The following MACROD2 variants were observed in gnomAD, a reference collection of about 807,000 sequenced individuals.
The protein encoded by MACROD2 is mono-ADP ribosylhydrolase 2.
In MACROD2, 36 loss-of-function variants were observed where a neutral mutation model predicts 70.4. The observed-to-expected ratio is 0.51, with a 90% CI of 0.39 to 0.68. The LOEUF (loss-of-function observed/expected upper bound fraction) is 0.68. MACROD2 is among the 30% of genes least tolerant of loss of function. MACROD2 has a pLI of 0.00. For missense variants in MACROD2, 496 were observed against 538.4 expected, an observed-to-expected ratio of 0.92 and a Z score of 0.78; for synonymous variants, 172 against 178.8, an observed-to-expected ratio of 0.96 and a Z score of 0.30.
chr20:14,164,110 T>G (rs1022451445), intron 3 of MACROD2, among the ~76,000 whole-genome samples: 2 of 152,142 alleles, frequency 1.3e-5, no homozygotes, highest in Non-Finnish European at 2.9e-5. Context: ...GGGAGAACTT[T>G]TTTTTTTTGA....
At chr20:15,872,916 A>G (rs1414880602) in intron 9 of MACROD2, among the ~76,000 whole-genome samples, 2 of 152,316 alleles carry the variant, frequency 1.3e-5, no homozygotes, top group African/African-American at 4.8e-5. Flanking sequence ...AACATAAATC[A>G]TGAACATTTT....
intron 3 of MACROD2, among the ~76,000 whole-genome samples, chr20:14,138,883 C>A (rs6074692): frequency 0.52 from 78,739 of 151,472 alleles, 22,343 homozygotes; most frequent in Non-Finnish European, 0.62. Context: ...TATATCTAAA[C>A]ATTTGGTACA....
Position 15,901,144 on chromosome 20 carries a change from T to C in MACROD2, c.775+15333T>C, listed in dbSNP as rs73597717. Among the ~76,000 whole-genome samples the C allele has an allele frequency of 3.9e-3, 588 of 152,200 alleles. 2 individuals are homozygous for C. Among genetic ancestry groups the C allele is most frequent in the South Asian group, 0.023 (112 of 4,802 alleles). Reference sequence around the variant, plus strand: ...ATCTAGCTGGGTTTGTCTCTCTCCTTTTTCCCTTAGGTTCACTCAGCACAC... The same window carrying C: ...ATCTAGCTGGGTTTGTCTCTCTCCTCTTTCCCTTAGGTTCACTCAGCACAC... On this transcript the variant is annotated intron_variant, in intron 10 of 17. Coordinates refer to ENST00000684519, the MANE Select transcript of MACROD2 (RefSeq NM_001351661.2).
intron 4 of MACROD2, among the ~76,000 whole-genome samples, chr20:14,585,765 C>T (rs1345113194): frequency 1.3e-5 from 2 of 152,008 alleles, no homozygotes; most frequent in Admixed American, 6.6e-5. Flanking sequence ...TTAAACAAAG[C>T]TGTTTTTCAA....
chr20:15,611,311 C>T (rs1452861307), intron 8 of MACROD2, among the ~76,000 whole-genome samples: 1 of 152,130 alleles, frequency 6.6e-6, no homozygotes, highest in African/African-American at 2.4e-5. Flanking sequence ...AAAGATAACA[C>T]AATGGCAGAG....
intron 8 of MACROD2, among the ~76,000 whole-genome samples, chr20:15,516,303 A>C (rs1015781250): frequency 6.6e-6 from 1 of 152,208 alleles, no homozygotes; most frequent in African/African-American, 2.4e-5. Context: ...CCTTCAAAAA[A>C]AATGTTGGCA....
At chr20:14,049,174 T>TAAAAAAAAAAAAAAAAA (rs71335946) in intron 2 of MACROD2, among the ~76,000 whole-genome samples, 7 of 69,728 alleles carry the variant, frequency 1.0e-4, no homozygotes, top group Non-Finnish European at 1.7e-4. Flanking sequence ...ATATATTTAA[T>TAAAAAAAAAAAAAAAAA]AAAAAAAAAA....
At chr20:15,983,822 T>G (rs1025807854) in intron 13 of MACROD2, among the ~76,000 whole-genome samples, 2 of 152,238 alleles carry the variant, frequency 1.3e-5, no homozygotes, top group East Asian at 3.8e-4. Flanking sequence ...ACCAGGCATT[T>G]GCATTCTTGG....
At position 14,711,612 on chromosome 20, in the gene MACROD2, T is replaced by G. The variant is rs1032543073; in HGVS notation, c.418+26653T>G. Among the ~76,000 whole-genome samples, 8 of 152,114 alleles carry G rather than the reference T, an allele frequency of 5.3e-5. No homozygotes were observed. In the South Asian group the frequency reaches 1.0e-3, roughly 20 times the overall value. ...TTATTTCCTTTACAAAACTAACGAG[T>G]GTTTGTCTACAGGATCAGTGAACTA... is the stretch of plus-strand genomic sequence containing the variant. On this transcript the variant is annotated intron_variant, in intron 5 of 17. Coordinates refer to ENST00000684519, the MANE Select transcript of MACROD2 (RefSeq NM_001351661.2).
chr20:15,447,448 A>T lies in MACROD2; in HGVS notation c.571+16013A>T, dbSNP rs527632753. 2.0e-5 allele frequency among the ~76,000 whole-genome samples: 3 copies of T among 152,182 alleles called. No homozygotes were observed. In the South Asian group the frequency reaches 6.2e-4, roughly 32 times the overall value. ...TCTCAAGTGAGGCAGTGCCCATCTC[A>T]AAGGGGCCACAGTGTTAGAGCTGCT... On this transcript the variant is annotated intron_variant, in intron 7 of 17. Transcript: ENST00000684519.
chr20:15,534,451 A>G (rs1212032677), intron 8 of MACROD2, among the ~76,000 whole-genome samples: 2 of 152,206 alleles, frequency 1.3e-5, no homozygotes, highest in Non-Finnish European at 2.9e-5. Context: ...TAAAATAGCA[A>G]CATGTTTTTC....
chr20:14,153,724 T>C (rs1171290578), intron 3 of MACROD2, among the ~76,000 whole-genome samples: 1 of 152,178 alleles, frequency 6.6e-6, no homozygotes, highest in East Asian at 1.9e-4. Flanking sequence ...AAAATAATCA[T>C]ATTAAGTTGA....
rs577548535 is a variant in MACROD2, at chr20:14,619,269, CA to C, written c.302-65571del. On this transcript the variant is annotated intron_variant, in intron 4 of 17. Coordinates refer to ENST00000684519, the MANE Select transcript of MACROD2 (RefSeq NM_001351661.2). ...ATGACTTCAAAGTCATCTCTGATTC[CA>C]AAGCCTCCCTCTAACTAGGCTGCTT... Among the ~76,000 whole-genome samples the C allele has an allele frequency of 4.6e-5, 7 of 151,204 alleles. No homozygotes were observed. The South Asian group carries it at 1.5e-3, about 32-fold the overall frequency.
intron 4 of MACROD2, among the ~76,000 whole-genome samples, chr20:14,550,531 T>A (rs536279059): frequency 6.6e-6 from 1 of 152,210 alleles, no homozygotes; most frequent in South Asian, 2.1e-4. Flanking sequence ...CAGAAAGCAG[T>A]CTCTCACCAG....
rs189122684 is a variant in MACROD2 at position 15,534,211 on chromosome 20, C to T, written c.645+34364C>T. Among the ~76,000 whole-genome samples, 38 of 152,204 alleles carry T rather than the reference C, an allele frequency of 2.5e-4. 1 individual carries two copies. The highest frequency in any genetic ancestry group is 1.4e-3 in the Admixed American group (21 of 15,288). ...AGAGACACAAACCTTCAGGACCATA[C>T]GTGATTGTGTTTGCTACATGTAGAC... On this transcript the variant is annotated intron_variant, in intron 8 of 17. Coordinates refer to ENST00000684519, the MANE Select transcript of MACROD2 (RefSeq NM_001351661.2).
chr20:15,078,706 T>C (rs2075678896), intron 5 of MACROD2, among the ~76,000 whole-genome samples: 1 of 113,134 alleles, frequency 8.8e-6, no homozygotes, highest in South Asian at 3.9e-4. Flanking sequence ...TTCCTTCACT[T>C]TCTTTTTTTT....
chr20:14,273,810 G>A (rs1175685802), intron 3 of MACROD2, among the ~76,000 whole-genome samples: 1 of 150,124 alleles, frequency 6.7e-6, no homozygotes, highest in Non-Finnish European at 1.5e-5. Flanking sequence ...TGATAAAGGG[G>A]ATATCACCAC....
chr20:15,927,619 G>A (rs73900805), intron 10 of MACROD2, among the ~76,000 whole-genome samples: 2,303 of 152,234 alleles, frequency 0.015, 44 homozygotes, highest in African/African-American at 0.047. Flanking sequence ...GGAGACATCT[G>A]TAGGAAGCGG....
chr20:15,385,129 G>GCACA (rs2045695963), intron 6 of MACROD2, among the ~76,000 whole-genome samples: 1 of 152,166 alleles, frequency 6.6e-6, no homozygotes, highest in African/African-American at 2.4e-5. Context: ...AGTGGGTGGG[G>GCACA]CAGTGGTATC....
Sources: allele counts gnomAD v4.1 joint callset (sites outside exome capture counted in the v4.1 genomes callset), GRCh38; gene constraint gnomAD v4.1.1; transcripts MANE v1.5; gene names NCBI Gene and HGNC (gene_info 2026-07-23, HGNC 2026-07-21).